LOC128092253: variants seen among roughly 807,000 people sequenced by gnomAD.
At chr6:133,959,212 A>G in the LOC128092253 span, among the ~76,000 whole-genome samples, 6 of 151,958 alleles carry the variant, frequency 3.9e-5, no homozygotes, top group African/African-American at 1.2e-4. Context: ...GCTAATTTTT[A>G]TATTTTTAGT....
chr6:133,954,160 ATTGCAAT>A, the LOC128092253 span, among the ~76,000 whole-genome samples: 1 of 152,232 alleles, frequency 6.6e-6, no homozygotes, highest in Non-Finnish European at 1.5e-5. Flanking sequence ...CAATGTGCTC[ATTGCAAT>A]AAGACTCAAA....
At chr6:133,977,391 T>C in the LOC128092253 span, among the ~76,000 whole-genome samples, 1 of 152,182 alleles carries the variant, frequency 6.6e-6, no homozygotes, top group Non-Finnish European at 1.5e-5. Context: ...TTTCAAGGCT[T>C]CTTTTTTGCA....
the LOC128092253 span, among the ~76,000 whole-genome samples, chr6:133,970,921 T>C: frequency 6.6e-6 from 1 of 152,218 alleles, no homozygotes; most frequent in East Asian, 1.9e-4. Context: ...TGTCACCTCA[T>C]GAATTTATCA....
the LOC128092253 span, among the ~76,000 whole-genome samples, chr6:133,963,698 G>A: frequency 1.4e-4 from 21 of 151,964 alleles, no homozygotes; most frequent in South Asian, 3.1e-3. Context: ...TGGGATTACA[G>A]GCATGAGTCC....
the LOC128092253 span, among the ~76,000 whole-genome samples, chr6:133,979,431 T>C: frequency 6.6e-6 from 1 of 152,300 alleles, no homozygotes; most frequent in South Asian, 2.1e-4. Flanking sequence ...GTCCAACCCT[T>C]GAACGTGGTG....
At chr6:133,961,947 A>AC in the LOC128092253 span, among the ~76,000 whole-genome samples, 2 of 152,000 alleles carry the variant, frequency 1.3e-5, no homozygotes, top group African/African-American at 4.8e-5. Context: ...TGCTTGCCTG[A>AC]CCATTTTGTT....
the LOC128092253 span, among the ~76,000 whole-genome samples, chr6:133,972,645 G>A: frequency 3.3e-5 from 5 of 151,944 alleles, no homozygotes; most frequent in Non-Finnish European, 5.9e-5. Context: ...TGGCTGTAGT[G>A]TGCTGACCCT....
chr6:133,958,931 G>A, the LOC128092253 span, among the ~76,000 whole-genome samples: 7 of 152,208 alleles, frequency 4.6e-5, no homozygotes, highest in Non-Finnish European at 8.8e-5. Context: ...GTATTTAGAG[G>A]TGTGACTTTT....
At chr6:133,971,201 T>G in the LOC128092253 span, among the ~76,000 whole-genome samples, 1 of 152,148 alleles carries the variant, frequency 6.6e-6, no homozygotes, top group African/African-American at 2.4e-5. Flanking sequence ...AATTTGTCTT[T>G]CTGTGTCTGG....
the LOC128092253 span, among the ~76,000 whole-genome samples, chr6:133,971,065 C>T: frequency 6.6e-6 from 1 of 152,150 alleles, no homozygotes; most frequent in Admixed American, 6.5e-5. Context: ...AATTTTAAAT[C>T]AATTGACCAA....
the LOC128092253 span, among the ~76,000 whole-genome samples, chr6:133,976,373 A>G: frequency 6.6e-6 from 1 of 152,348 alleles, no homozygotes; most frequent in Non-Finnish European, 1.5e-5. Flanking sequence ...ATATAGACCT[A>G]TAAAAGAGTC....
the LOC128092253 span, among the ~76,000 whole-genome samples, chr6:133,979,284 A>G: frequency 6.6e-6 from 1 of 152,210 alleles, no homozygotes; most frequent in Non-Finnish European, 1.5e-5. Flanking sequence ...CTGTTAGTAA[A>G]TGTTATTCAT....
the LOC128092253 span, among the ~76,000 whole-genome samples, chr6:133,975,961 G>A: frequency 6.6e-6 from 1 of 152,138 alleles, no homozygotes; most frequent in Non-Finnish European, 1.5e-5. Flanking sequence ...ATAGCCTTGT[G>A]AGTTTAAATG....
the LOC128092253 span, among the ~76,000 whole-genome samples, chr6:133,957,778 ATAC>A: frequency 6.6e-6 from 1 of 152,246 alleles, no homozygotes; most frequent in South Asian, 2.1e-4. Context: ...TAGGGAGTTA[ATAC>A]TACTACTACG....
the LOC128092253 span, among the ~76,000 whole-genome samples, chr6:133,965,462 C>T: frequency 8.8e-3 from 1,338 of 152,240 alleles, 17 homozygotes; most frequent in Non-Finnish European, 0.01. Flanking sequence ...ATACCTATTT[C>T]GTAACATGTA....
At chr6:133,969,581 TAC>T in the LOC128092253 span, among the ~76,000 whole-genome samples, 1 of 152,200 alleles carries the variant, frequency 6.6e-6, no homozygotes, top group Non-Finnish European at 1.5e-5. Context: ...TGGTAAAATA[TAC>T]AGTCTTTTTC....
At chr6:133,978,811 C>T in the LOC128092253 span, among the ~76,000 whole-genome samples, 1 of 152,108 alleles carries the variant, frequency 6.6e-6, no homozygotes, top group African/African-American at 2.4e-5. Context: ...AGACTCTTGG[C>T]CCCTTCACTG....
At chr6:133,979,769 C>G in the LOC128092253 span, among the ~76,000 whole-genome samples, 8 of 152,232 alleles carry the variant, frequency 5.3e-5, no homozygotes, top group South Asian at 1.7e-3. Flanking sequence ...ACCTCAGCCT[C>G]CCTAGTAGCT....
At chr6:133,958,375 A>G in the LOC128092253 span, among the ~76,000 whole-genome samples, 1 of 152,214 alleles carries the variant, frequency 6.6e-6, no homozygotes. Flanking sequence ...CTGTGCCACT[A>G]TGAATGTTCT....
Sources: allele counts gnomAD v4.1 joint callset (sites outside exome capture counted in the v4.1 genomes callset), GRCh38; gene constraint gnomAD v4.1.1; transcripts MANE v1.5.